CPLX1: variants seen among roughly 807,000 people sequenced by gnomAD.
CPLX1 encodes the protein complexin 1.
CPLX1 carries 6 observed loss-of-function variants against 15.6 expected under a neutral mutation model. The ratio of observed to expected loss-of-function variants is 0.39; its 90% CI spans 0.21 to 0.76. CPLX1 has a LOEUF of 0.76. Among genes scored for constraint, CPLX1 ranks in the 30% least tolerant of loss-of-function variants. The pLI, the probability that CPLX1 is intolerant of heterozygous loss-of-function variation, is 0.43. For missense variants in CPLX1, 242 were observed against 188.6 expected (o/e 1.28, Z -1.66); for synonymous variants, 91 against 75.2 (o/e 1.21, Z -1.08).
At chr4:787,429 G>C (rs1277788271) in intron 3 of CPLX1, 2 of 961,772 alleles carry the variant, frequency 2.1e-6, no homozygotes, top group Non-Finnish European at 2.5e-6. Flanking sequence ...GAGCTTCAAA[G>C]GTGATCTCAT....
chr4:825,110 C>T (rs974498581), intron 1 of CPLX1, among the ~76,000 whole-genome samples: 2 of 152,154 alleles, frequency 1.3e-5, no homozygotes, highest in Non-Finnish European at 2.9e-5. Flanking sequence ...GTGCCCCCCA[C>T]ATGGCCCGCG....
intron 2 of CPLX1, among the ~76,000 whole-genome samples, chr4:796,425 A>G (rs560204021): frequency 6.6e-6 from 1 of 152,120 alleles, no homozygotes; most frequent in East Asian, 1.9e-4. Context: ...ACCTGGGACT[A>G]CAGGCACGCG....
rs1476524495 is a variant in CPLX1 at position 792,503 on chromosome 4, T to A, written c.137A>T (p.Glu46Val). 6.2e-7 allele frequency: 1 copy of A among 1,612,968 alleles called. No homozygotes were observed. Among genetic ancestry groups the A allele is most frequent in the African/African-American group, 1.3e-5 (1 of 74,914 alleles). The change falls in exon 3 of 4, where the codon GAG becomes GTG. Residue 46 changes from glutamate to valine, a missense_variant. Physicochemically the swap from Glu to Val is moderately radical, Grantham distance 121. Coordinates refer to ENST00000304062, the MANE Select transcript of CPLX1 (RefSeq NM_006651.4). ...CTTGGCGTACTTGGCCTTGCGCTCC[T>A]CCTCCGCCTGGCGCAGCGCCTCCTG... Reference protein sequence around the residue: ...ERQEALRQAEEERKAKYAKME... With the variant: ...ERQEALRQAEVERKAKYAKME...
intron 2 of CPLX1, among the ~76,000 whole-genome samples, chr4:794,148 T>C (rs1746266023): frequency 6.6e-6 from 1 of 152,206 alleles, no homozygotes; most frequent in African/African-American, 2.4e-5. Context: ...GGAGCTGTCA[T>C]TTGGAAGGCC....
intron 2 of CPLX1, among the ~76,000 whole-genome samples, chr4:798,391 A>G (rs1187316692): frequency 4.6e-5 from 7 of 152,082 alleles, no homozygotes; most frequent in Non-Finnish European, 8.8e-5. Context: ...AGGGAATTCA[A>G]TGAGGGTGAG....
intron 2 of CPLX1, among the ~76,000 whole-genome samples, chr4:793,041 T>G (rs1746231690): frequency 6.6e-6 from 1 of 152,132 alleles, no homozygotes; most frequent in Non-Finnish European, 1.5e-5. Context: ...TGTGCATGTG[T>G]GTGTGGTTGA....
In CPLX1 at chr4:800,715, C is replaced by T. The variant is rs563970054; in HGVS notation, c.32-8107G>A. Among the ~76,000 whole-genome samples the T allele has an allele frequency of 1.5e-3, 145 of 96,282 alleles. 1 individual carries two copies. Among genetic ancestry groups the T allele is most frequent in the Non-Finnish European group, 1.7e-3 (79 of 47,374 alleles). The allele number at this position is 96,282 out of a possible 152,430, so 63.2% of individuals were successfully genotyped here. On this transcript the variant is annotated intron_variant, in intron 2 of 3. Transcript: ENST00000304062. The stretch of plus-strand genomic sequence containing the variant: ...CAGCCTGGGCAAAATGGGGAAACCC[C>T]GTCTCTACTAAAAAAAAAAATATAT...
At position 796,719 on chromosome 4, in the gene CPLX1, C is replaced by T. The variant is rs376861870; in HGVS notation, c.32-4111G>A. ...TGTTATTTTTCTGGCCAGGGTAACT[C>T]CACACGTAAAGACGTCCATCCTCCC... is the stretch of plus-strand genomic sequence containing the variant. On this transcript the variant is annotated intron_variant, in intron 2 of 3. Transcript: ENST00000304062. Among the ~76,000 whole-genome samples the T allele has an allele frequency of 9.9e-5, 15 of 152,278 alleles. No individual in the cohort carries two copies. In the East Asian group the frequency reaches 1.9e-3, roughly 20 times the overall value.
At chr4:803,034 T>G (rs920519959) in intron 2 of CPLX1, among the ~76,000 whole-genome samples, 6 of 152,166 alleles carry the variant, frequency 3.9e-5, no homozygotes, top group African/African-American at 1.4e-4. Flanking sequence ...AAACTTTTTT[T>G]GGGAGGAAAT....
intron 1 of CPLX1, chr4:824,808 T>TG (rs1412530870): frequency 7.8e-6 from 5 of 642,644 alleles, no homozygotes; most frequent in African/African-American, 1.8e-5. Context: ...CCCCAGCTCC[T>TG]GGGGTGTCTG....
chr4:794,256 G>A (rs552129963), intron 2 of CPLX1, among the ~76,000 whole-genome samples: 69 of 152,372 alleles, frequency 4.5e-4, no homozygotes, highest in Non-Finnish European at 7.1e-4. Context: ...AGGCGCCGCC[G>A]ACTGCACCTG....
rs553849710 is a variant in CPLX1 at position 825,379 on chromosome 4, A to T, written c.-80+667T>A. On this transcript the variant is annotated intron_variant, in intron 1 of 3. Coordinates refer to ENST00000304062, the MANE Select transcript of CPLX1 (RefSeq NM_006651.4). The stretch of plus-strand genomic sequence containing the variant: ...TTCACCCCTCGCCCTCCGCAGAGGA[A>T]GGAGACTCGCGCGGGGACTGGGAGG... Among the ~76,000 whole-genome samples the T allele has an allele frequency of 5.5e-4, 84 of 152,182 alleles. No homozygotes were observed. In the East Asian group the frequency reaches 0.015, roughly 27 times the overall value.
At position 818,117 on chromosome 4, in the gene CPLX1, C is replaced by A. The variant is rs1363461330; in HGVS notation, c.31+6375G>T. On this transcript the variant is annotated intron_variant, in intron 2 of 3. Coordinates refer to ENST00000304062, the MANE Select transcript of CPLX1 (RefSeq NM_006651.4). ...GCATTGCAGACAAGCCCACACCCCT[C>A]CTGAGAGCTGGGTGTCCAGCCTGCT... Among the ~76,000 whole-genome samples, 7 of 152,360 alleles carry A rather than the reference C, an allele frequency of 4.6e-5. No individual in the cohort carries two copies. In the South Asian group the frequency reaches 1.2e-3, roughly 27 times the overall value.
intron 2 of CPLX1, among the ~76,000 whole-genome samples, chr4:822,096 T>C (rs11248045): frequency 7.0e-6 from 1 of 142,094 alleles, no homozygotes; most frequent in Non-Finnish European, 1.5e-5. Context: ...TCTCCCTCTG[T>C]CTCTGTCTCT....
At chr4:797,086 C>G (rs1224631728) in intron 2 of CPLX1, among the ~76,000 whole-genome samples, 1 of 152,228 alleles carries the variant, frequency 6.6e-6, no homozygotes, top group Non-Finnish European at 1.5e-5. Context: ...GCACAACACA[C>G]AGACACATTC....
At chr4:793,180 C>T (rs906235711) in intron 2 of CPLX1, among the ~76,000 whole-genome samples, 2 of 152,118 alleles carry the variant, frequency 1.3e-5, no homozygotes, top group Admixed American at 6.5e-5. Context: ...GGAGGTGGTG[C>T]GGTTCAGCCA....
chr4:823,160 G>A (rs906277400), intron 2 of CPLX1, among the ~76,000 whole-genome samples: 2 of 152,212 alleles, frequency 1.3e-5, no homozygotes, highest in Non-Finnish European at 2.9e-5. Flanking sequence ...AACAGCCTGG[G>A]ACTCCCTGGG....
intron 3 of CPLX1, chr4:788,632 C>G (rs958327912): frequency 9.2e-6 from 9 of 978,508 alleles, no homozygotes; most frequent in African/African-American, 1.8e-5. Context: ...TGGTTCTCGT[C>G]CTAGCCATCC....
chr4:787,248 G>A (rs1292794478), intron 3 of CPLX1: 1 of 985,240 alleles, frequency 1.0e-6, no homozygotes, highest in Non-Finnish European at 1.2e-6. Flanking sequence ...GAGGGTCCTG[G>A]GCTGCGGTCA....
Sources: allele counts gnomAD v4.1 joint callset (sites outside exome capture counted in the v4.1 genomes callset), GRCh38; gene constraint gnomAD v4.1.1; transcripts MANE v1.5; gene names NCBI Gene and HGNC (gene_info 2026-07-23, HGNC 2026-07-21).